The following OPCML variants were observed in gnomAD, a reference collection of about 807,000 sequenced individuals.
OPCML encodes the protein opioid binding protein/cell adhesion molecule like, also known as opioid-binding protein/cell adhesion molecule.
In OPCML, 13 loss-of-function variants were observed where a neutral mutation model predicts 37.8. The observed-to-expected ratio is 0.34, with a 90% CI of 0.22 to 0.55. The LOEUF is 0.55. Among genes scored for constraint, OPCML ranks in the 20% least tolerant of loss-of-function variants. OPCML has a pLI of 0.91. For synonymous variants in OPCML, 176 were observed against 168.8 expected (o/e 1.04, Z -0.33); for missense variants, 341 against 435.6 (o/e 0.78, Z 1.93).
intron 2 of OPCML, among the ~76,000 whole-genome samples, chr11:132,769,979 C>T (rs1591584908): frequency 6.6e-6 from 1 of 152,158 alleles, no homozygotes; most frequent in Non-Finnish European, 1.5e-5. Flanking sequence ...ATGCTCTGCA[C>T]CCTGGGGTTG....
chr11:132,498,755 G>C (rs926078289), intron 4 of OPCML, among the ~76,000 whole-genome samples: 5 of 138,140 alleles, frequency 3.6e-5, no homozygotes, highest in Admixed American at 2.1e-4. Context: ...ATGGCTCTTA[G>C]GCATATAGGA....
chr11:133,509,689 C>G (rs1190569963), intron 1 of OPCML, among the ~76,000 whole-genome samples: 1 of 152,158 alleles, frequency 6.6e-6, no homozygotes, highest in Non-Finnish European at 1.5e-5. Context: ...AGAGGTTAAC[C>G]AAGCTGCCCG....
At chr11:133,164,584 G>A (rs1950184800) in intron 1 of OPCML, among the ~76,000 whole-genome samples, 2 of 152,170 alleles carry the variant, frequency 1.3e-5, no homozygotes, top group Admixed American at 6.5e-5. Flanking sequence ...TTTGAATAAC[G>A]AGGACAATTC....
chr11:132,586,961 T>C (rs2096474090), intron 3 of OPCML, among the ~76,000 whole-genome samples: 1 of 152,120 alleles, frequency 6.6e-6, no homozygotes, highest in Admixed American at 6.6e-5. Flanking sequence ...CAGAATATTA[T>C]GCATTCGGGC....
At chr11:132,534,051 T>C (rs2096333593) in intron 3 of OPCML, among the ~76,000 whole-genome samples, 1 of 152,198 alleles carries the variant, frequency 6.6e-6, no homozygotes, top group Admixed American at 6.5e-5. Flanking sequence ...TCAGCATCTT[T>C]TAATGTGTCA....
At chr11:133,467,859 T>A (rs896740730) in intron 1 of OPCML, among the ~76,000 whole-genome samples, 1 of 152,204 alleles carries the variant, frequency 6.6e-6, no homozygotes. Flanking sequence ...TGTTGGGACC[T>A]TGGAAAGCAG....
At chr11:132,546,283 C>A (rs1479417079) in intron 3 of OPCML, among the ~76,000 whole-genome samples, 4 of 152,040 alleles carry the variant, frequency 2.6e-5, no homozygotes, top group Non-Finnish European at 5.9e-5. Context: ...TTATTTATTT[C>A]TATTTTTTAA....
intron 1 of OPCML, among the ~76,000 whole-genome samples, chr11:133,287,731 G>A (rs546810266): frequency 4.1e-4 from 62 of 152,184 alleles, no homozygotes; most frequent in African/African-American, 1.2e-3. Flanking sequence ...GCAGGGGCCC[G>A]TGCAGGAAAG....
intron 1 of OPCML, among the ~76,000 whole-genome samples, chr11:133,512,416 C>T (rs951812202): frequency 1.5e-4 from 23 of 152,328 alleles, no homozygotes; most frequent in African/African-American, 5.1e-4. Context: ...GGTACAGCCT[C>T]GGCACCATCC....
chr11:132,889,711 G>T (rs1463714911), intron 2 of OPCML, among the ~76,000 whole-genome samples: 1 of 152,174 alleles, frequency 6.6e-6, no homozygotes, highest in East Asian at 1.9e-4. Flanking sequence ...ATCTAAGAAA[G>T]GTAGCAGCAT....
intron 1 of OPCML, among the ~76,000 whole-genome samples, chr11:132,997,613 C>A (rs1184590438): frequency 6.6e-6 from 1 of 152,154 alleles, no homozygotes; most frequent in African/African-American, 2.4e-5. Context: ...GAGCAAGACC[C>A]GTGGATGGTG....
intron 2 of OPCML, among the ~76,000 whole-genome samples, chr11:132,827,924 C>G (rs764484091): frequency 6.6e-6 from 1 of 152,080 alleles, no homozygotes; most frequent in East Asian, 1.9e-4. Context: ...AGCCACCGCG[C>G]CTGGCCCCTG....
intron 3 of OPCML, among the ~76,000 whole-genome samples, chr11:132,584,399 C>G (rs1320812998): frequency 6.6e-6 from 1 of 152,124 alleles, no homozygotes; most frequent in African/African-American, 2.4e-5. Flanking sequence ...ATTTTAAGAC[C>G]TAATATGTTT....
intron 1 of OPCML, among the ~76,000 whole-genome samples, chr11:133,010,963 A>T (rs1239411751): frequency 6.6e-6 from 1 of 152,250 alleles, no homozygotes; most frequent in Non-Finnish European, 1.5e-5. Flanking sequence ...CTTGAAACAA[A>T]GTTAACCCAA....
chr11:133,463,285 G>T (rs7112262), intron 1 of OPCML, among the ~76,000 whole-genome samples: 20,077 of 151,990 alleles, frequency 0.13, 3,165 homozygotes, highest in African/African-American at 0.37. Flanking sequence ...TGGGTACAGA[G>T]TTTCAGTTTG....
intron 4 of OPCML, among the ~76,000 whole-genome samples, chr11:132,447,568 C>T (rs1242497662): frequency 2.0e-5 from 3 of 152,098 alleles, no homozygotes; most frequent in Non-Finnish European, 4.4e-5. Flanking sequence ...CCTTGGCCTC[C>T]CAAAGTGACA....
chr11:132,812,931 A>G (rs1196712099), intron 2 of OPCML, among the ~76,000 whole-genome samples: 1 of 152,214 alleles, frequency 6.6e-6, no homozygotes. Flanking sequence ...TTAGATCTAT[A>G]CAGAGGTCCT....
chr11:133,024,700 G>A, intron 1 of OPCML: 1 of 842,674 alleles, frequency 1.2e-6, no homozygotes, highest in Non-Finnish European at 1.4e-6. Flanking sequence ...GGGGGATGGG[G>A]AGGTTCTTAA....
intron 1 of OPCML, among the ~76,000 whole-genome samples, chr11:133,339,026 G>A (rs1011128647): frequency 1.1e-4 from 16 of 152,054 alleles, no homozygotes; most frequent in African/African-American, 3.6e-4. Flanking sequence ...TCTCTCACCT[G>A]GTGAGACCCA....
Sources: gnomAD v4.1 joint callset for allele counts (sites outside exome capture counted in the v4.1 genomes callset) on GRCh38, gnomAD v4.1.1 for gene constraint, MANE v1.5 for transcripts, NCBI Gene and HGNC (gene_info 2026-07-23, HGNC 2026-07-21) for gene names.